Variants in ZNF534 observed in about 807,000 individuals in gnomAD.
ZNF534 encodes the protein zinc finger protein 534.
Under a neutral mutation model 13.6 loss-of-function variants are expected in ZNF534, and 19 were observed. The ratio of observed to expected loss-of-function variants is 1.40; its 90% CI spans 0.97 to 2.05. The LOEUF is 2.05. Ranked by LOEUF, ZNF534 falls within the 30% of genes most tolerant of loss-of-function variation. The pLI is 0.00. For missense variants in ZNF534, 782 were observed against 796.3 expected (o/e 0.98, Z 0.22); for synonymous variants, 244 against 273.8 (o/e 0.89, Z 1.07).
At position 52,438,088 on chromosome 19, in the gene ZNF534, G is replaced by A. The variant is rs370285152; in HGVS notation, c.628G>A (p.Ala210Thr). 5 of 1,614,022 alleles carry A rather than the reference G, an allele frequency of 3.1e-6. No individual in the cohort carries two copies. The highest frequency in any genetic ancestry group is 1.3e-5 in the African/African-American group (1 of 74,914). Residue 210 changes from alanine (A) to threonine (T), a missense_variant, in exon 5 of 5, where the codon GCA becomes ACA. This residue lies in a region of ZNF534 where 591 missense variants were observed against 574.0 expected (regional missense o/e 1.03). Coordinates refer to ENST00000433050, the MANE Select transcript of ZNF534 (RefSeq NM_001143938.3). ...TACTAACCGTCAAGTAATCCACATT[G>A]CAGATAAAACTTACAAATGTAGTGA... is the stretch of plus-strand genomic sequence containing the variant. ...SLTNRQVIHI[A>T]DKTYKCSDCG...
In ZNF534 at chr19:52,440,292, C is replaced by G. The variant is rs4404182; in HGVS notation, c.*846C>G. ...TTTAAACATATAACAAGTGTGGCAA[C>G]GTATTCACTTAAAATACACACCTTG... is the stretch of plus-strand genomic sequence containing the variant. On this transcript the variant is annotated 3_prime_UTR_variant, in exon 5 of 5. Coordinates refer to ENST00000433050, the MANE Select transcript of ZNF534 (RefSeq NM_001143938.3). Among the ~76,000 whole-genome samples, 139,565 of 152,240 alleles carry G rather than the reference C, an allele frequency of 0.92. 64,310 individuals are homozygous for G. The highest frequency in any genetic ancestry group is 0.96 in the Non-Finnish European group (65,588 of 68,034).
chr19:52,436,688 T>C (rs2059130952), intron 4 of ZNF534, among the ~76,000 whole-genome samples: 1 of 152,182 alleles, frequency 6.6e-6, no homozygotes, highest in Non-Finnish European at 1.5e-5. Context: ...TATCTTTCAG[T>C]TTGCTCATTG....
In ZNF534 at chr19:52,434,030, G is replaced by C. The variant is rs777624514; in HGVS notation, c.91G>C (p.Ala31Pro). The C allele has an allele frequency of 5.6e-6, 9 of 1,614,152 alleles. No homozygotes were observed. The highest frequency in any genetic ancestry group is 7.6e-6 in the Non-Finnish European group (9 of 1,180,038). Reference sequence around the variant, plus strand: ...GAAATGCCTGGACCCTGGGCAGAAAGCTTTATACAGGGACGTGATGTTAGA... The same window carrying C: ...GAAATGCCTGGACCCTGGGCAGAAACCTTTATACAGGGACGTGATGTTAGA... Reference protein sequence around the residue: ...EWKCLDPGQKALYRDVMLENY... With the variant: ...EWKCLDPGQKPLYRDVMLENY... Residue 31 changes from alanine (A) to proline (P), a missense_variant, in exon 3 of 5, where the codon GCT becomes CCT. Transcript: ENST00000433050.
At chr19:52,445,062 G>T (rs1447743411), downstream of ZNF534, among the ~76,000 whole-genome samples, 4 of 152,192 alleles carry the variant, frequency 2.6e-5, no homozygotes, top group Non-Finnish European at 5.9e-5. Context: ...TTCAACTGGA[G>T]GTTTCCTTCT....
chr19:52,449,655 T>C (rs971085623), intron 4 of ZNF534, among the ~76,000 whole-genome samples: 20 of 152,168 alleles, frequency 1.3e-4, no homozygotes, highest in African/African-American at 4.8e-4. Context: ...TTCATAGGCC[T>C]GTTGGTCGTT....
At chr19:52,432,059 A>G (rs2059091231) in intron 2 of ZNF534, among the ~76,000 whole-genome samples, 1 of 151,786 alleles carries the variant, frequency 6.6e-6, no homozygotes, top group African/African-American at 2.4e-5. Context: ...TCATCATTAT[A>G]TATATATATA....
chr19:52,444,181 A>G (rs1293706776), downstream of ZNF534, among the ~76,000 whole-genome samples: 3 of 152,072 alleles, frequency 2.0e-5, no homozygotes, highest in East Asian at 1.9e-4. Context: ...TTCTTGTCCC[A>G]TGGGGTATTC....
intron 1 of ZNF534, among the ~76,000 whole-genome samples, chr19:52,430,415 T>C (rs931988909): frequency 3.9e-5 from 6 of 152,176 alleles, no homozygotes; most frequent in South Asian, 2.1e-4. Context: ...CAGGCATCCA[T>C]TGGGGCTCTT....
rs1015314261 is a variant in ZNF534, at chr19:52,440,607, C to A, written c.*1161C>A. ...ACCAGCCTGACCAATGTGTTGAAAC[C>A]CCATCACTACTAAAAATAAAAAAAA... is the stretch of plus-strand genomic sequence containing the variant. On this transcript the variant is annotated 3_prime_UTR_variant, in exon 5 of 5. Transcript: ENST00000433050. Among the ~76,000 whole-genome samples the A allele has an allele frequency of 3.3e-5, 5 of 151,798 alleles. No homozygotes were observed. The highest frequency in any genetic ancestry group is 1.2e-4 in the African/African-American group (5 of 41,334).
At chr19:52,437,218 C>T (rs759518128) in intron 4 of ZNF534, among the ~76,000 whole-genome samples, 8 of 152,172 alleles carry the variant, frequency 5.3e-5, no homozygotes, top group Non-Finnish European at 1.0e-4. Flanking sequence ...AGCTTATAAT[C>T]TCTCTCAAGC....
chr19:52,433,297 C>T (rs2059102066), intron 2 of ZNF534, among the ~76,000 whole-genome samples: 2 of 144,918 alleles, frequency 1.4e-5, no homozygotes, highest in Non-Finnish European at 3.0e-5. Flanking sequence ...TCTCTGAAGA[C>T]ACTACTTGTA....
At chr19:52,446,834 G>T (rs576986706), downstream of ZNF534, among the ~76,000 whole-genome samples, 1 of 152,262 alleles carries the variant, frequency 6.6e-6, no homozygotes, top group Non-Finnish European at 1.5e-5. Context: ...CTCCAGACTG[G>T]GTGACAGAGC....
chr19:52,435,285 C>G, intron 4 of ZNF534, 76 bp downstream of exon 4: 2 of 1,473,284 alleles, frequency 1.4e-6, no homozygotes, highest in Non-Finnish European at 1.8e-6. Flanking sequence ...GTCATCCAGG[C>G]TGGAGTACAG....
In ZNF534 at chr19:52,437,771, C is replaced by T. The variant is rs897466655; in HGVS notation, c.311C>T (p.Ser104Leu). 4.4e-6 allele frequency: 7 copies of T among 1,597,618 alleles called. No individual in the cohort carries two copies. In the African/African-American group the frequency reaches 5.4e-5, roughly 12 times the overall value. The part of the protein sequence containing the change: ...SKLGSSAGNK[S>L]LKNQHGLTLQ... ...TTGGGAAGCAGTGCAGGAAACAAGT[C>T]ACTTAAAAATCAACATGGATTAACT... Residue 104 changes from serine to leucine, a missense_variant, in exon 5 of 5, where the codon TCA becomes TTA. Physicochemically the swap from Ser to Leu is moderately radical, Grantham distance 145. Around this residue, in one of 5 missense-constraint regions of ZNF534, gnomAD observed 591 missense variants for 574.0 expected, o/e 1.03. Coordinates refer to ENST00000433050, the MANE Select transcript of ZNF534 (RefSeq NM_001143938.3).
At chr19:52,444,086 A>G (rs1253651928), downstream of ZNF534, among the ~76,000 whole-genome samples, 1 of 150,354 alleles carries the variant, frequency 6.7e-6, no homozygotes, top group African/African-American at 2.5e-5. Context: ...TTGTTTTGTT[A>G]TATTACCAGA....
At chr19:52,435,270 ACT>A (rs2122678942) in intron 4 of ZNF534, 61 bp downstream of exon 4, 2 of 1,525,890 alleles carry the variant, frequency 1.3e-6, no homozygotes, top group South Asian at 2.6e-5. Flanking sequence ...GAAGGGTCTC[ACT>A]CTGTCATCCA....
intron 2 of ZNF534, among the ~76,000 whole-genome samples, chr19:52,432,198 A>G (rs2059092351): frequency 6.6e-6 from 1 of 152,128 alleles, no homozygotes; most frequent in African/African-American, 2.4e-5. Context: ...CTATAAGAAC[A>G]TTATAGTAAT....
chr19:52,437,731 G>C lies in ZNF534; in HGVS notation c.272-1G>C, dbSNP rs2059137316. The C allele has an allele frequency of 6.4e-7, 1 of 1,555,138 alleles. No individual in the cohort carries two copies. Among genetic ancestry groups the C allele is most frequent in the Non-Finnish European group, 8.7e-7 (1 of 1,153,250 alleles). The stretch of plus-strand genomic sequence containing the variant: ...GTTCTAAAATTTTCTTGCTTTTCTA[G>C]AGAAGAGTTCTAAATTGGGAAGCAG... On this transcript the variant is annotated splice_acceptor_variant, in intron 4 of 4. Transcript: ENST00000433050. LOFTEE classifies it high-confidence loss of function.
At position 52,440,168 on chromosome 19, in the gene ZNF534, T is replaced by C. The variant is rs538829715; in HGVS notation, c.*722T>C. Among the ~76,000 whole-genome samples, 7 of 152,222 alleles carry C rather than the reference T, an allele frequency of 4.6e-5. No individual in the cohort carries two copies. The highest frequency in any genetic ancestry group is 1.0e-4 in the Non-Finnish European group (7 of 68,046). Reference sequence around the variant, plus strand: ...GCCTCTCTACCCATCTATTAATCCATACTGGAAGGAAACCATAGAAATATA... The same window carrying C: ...GCCTCTCTACCCATCTATTAATCCACACTGGAAGGAAACCATAGAAATATA... On this transcript the variant is annotated 3_prime_UTR_variant, in exon 5 of 5. Coordinates refer to ENST00000433050, the MANE Select transcript of ZNF534 (RefSeq NM_001143938.3).
Sources: gnomAD v4.1 joint callset for allele counts (sites outside exome capture counted in the v4.1 genomes callset) on GRCh38, gnomAD v4.1.1 for gene constraint, gnomAD v4.1.1 regional missense constraint, MANE v1.5 for transcripts, NCBI Gene and HGNC (gene_info 2026-07-23, HGNC 2026-07-21) for gene names.